The following CEACAM18 variants were observed in gnomAD, a reference collection of about 807,000 sequenced individuals.
The protein encoded by CEACAM18 is CEA cell adhesion molecule 18, also known as cell adhesion molecule CEACAM18.
Under a neutral mutation model 34.3 loss-of-function variants are expected in CEACAM18, and 33 were observed. The ratio of observed to expected loss-of-function variants is 0.96; its 90% confidence interval spans 0.73 to 1.29. CEACAM18 has a LOEUF of 1.29. Among genes scored for constraint, CEACAM18 ranks in the 50% most tolerant of loss-of-function variants. The pLI is 0.00. For synonymous variants in CEACAM18, 169 were observed against 180.9 expected, an observed-to-expected ratio of 0.93 and a Z score of 0.53; for missense variants, 474 against 485.0, an observed-to-expected ratio of 0.98 and a Z score of 0.21.
intron 4 of CEACAM18, among the ~76,000 whole-genome samples, chr19:51,483,831 T>C (rs117020339): frequency 0.018 from 2,737 of 152,304 alleles, 38 homozygotes; most frequent in Non-Finnish European, 0.024. Context: ...GGCATGGCCA[T>C]GGCGTCAGAA....
chr19:51,487,889 A>G (rs1270551325), intron 5 of CEACAM18, among the ~76,000 whole-genome samples: 1 of 152,222 alleles, frequency 6.6e-6, no homozygotes, highest in East Asian at 1.9e-4. Flanking sequence ...ATTAAAATTA[A>G]ATAAGTAAAA....
At chr19:51,478,622 CT>C (rs758969501) in exon 1 of CEACAM18, 1 of 1,574,588 alleles carries the variant, frequency 6.4e-7, no homozygotes, top group African/African-American at 1.4e-5. Flanking sequence ...ACCCCTCCTC[CT>C]GGAGGACCCC....
intron 3 of CEACAM18, among the ~76,000 whole-genome samples, chr19:51,482,649 G>A (rs947494043): frequency 1.3e-5 from 2 of 152,166 alleles, no homozygotes; most frequent in Admixed American, 1.3e-4. Context: ...GAGCCTCATT[G>A]TTTTCCATCT....
At chr19:51,478,966 ACG>A (rs1160022517) in intron 1 of CEACAM18, among the ~76,000 whole-genome samples, 10 of 141,068 alleles carry the variant, frequency 7.1e-5, no homozygotes, top group Non-Finnish European at 1.1e-4. Flanking sequence ...ACACACACAC[ACG>A]CGCGCACACA....
At chr19:51,487,895 T>C (rs1990031721) in intron 5 of CEACAM18, among the ~76,000 whole-genome samples, 1 of 152,178 alleles carries the variant, frequency 6.6e-6, no homozygotes, top group African/African-American at 2.4e-5. Flanking sequence ...ATTAAATAAG[T>C]AAAAAATCCA....
At chr19:51,489,952 C>T (rs574034160) in intron 5 of CEACAM18, among the ~76,000 whole-genome samples, 17 of 152,256 alleles carry the variant, frequency 1.1e-4, no homozygotes, top group African/African-American at 3.4e-4. Context: ...CTGGAAGAAC[C>T]CCCCTGGCCT....
At chr19:51,490,804 C>T (rs1463125959) in exon 6 of CEACAM18, 5 of 408,080 alleles carry the variant, frequency 1.2e-5, no homozygotes, top group African/African-American at 2.0e-5. Context: ...GGTCTGCAGA[C>T]CCCACCCGGG....
intron 5 of CEACAM18, among the ~76,000 whole-genome samples, chr19:51,487,602 TAAA>T (rs1181556713): frequency 6.6e-6 from 1 of 152,204 alleles, no homozygotes; most frequent in East Asian, 1.9e-4. Context: ...CCGTCTCTAC[TAAA>T]AATACAAAAA....
At position 51,482,960 on chromosome 19, in the gene CEACAM18, A is replaced by T. The variant is rs766611235; in HGVS notation, c.674-57A>T. The T allele has an allele frequency of 2.5e-6, 4 of 1,582,822 alleles. No homozygotes were observed. In the African/African-American group the frequency reaches 4.0e-5, roughly 16 times the overall value. The stretch of plus-strand genomic sequence containing the variant: ...CTCCTGGCTGGGGGAGGACTTCATG[A>T]GACGGGACGCCGAGGGGTCAGAAAC... On this transcript the variant is annotated intron_variant, in intron 3 of 5. Transcript: ENST00000396477.
At chr19:51,485,395 T>C (rs1223787860) in intron 5 of CEACAM18, among the ~76,000 whole-genome samples, 8 of 152,214 alleles carry the variant, frequency 5.3e-5, no homozygotes, top group Non-Finnish European at 1.0e-4. Flanking sequence ...TATTAAGGTT[T>C]ACCTAGAGGG....
chr19:51,488,866 C>T (rs963103908), intron 5 of CEACAM18, among the ~76,000 whole-genome samples: 1 of 152,024 alleles, frequency 6.6e-6, no homozygotes, highest in Non-Finnish European at 1.5e-5. Flanking sequence ...GTGGGCCCTC[C>T]TCTAGAAAAA....
At chr19:51,490,275 C>G (rs1327291600) in intron 5 of CEACAM18, among the ~76,000 whole-genome samples, 1 of 152,200 alleles carries the variant, frequency 6.6e-6, no homozygotes, top group Non-Finnish European at 1.5e-5. Flanking sequence ...GTTATTACCT[C>G]CATCATTGTT....
chr19:51,481,364 A>C, intron 2 of CEACAM18, 29 bp from the exon 3 acceptor site: 1 of 1,605,752 alleles, frequency 6.2e-7, no homozygotes, highest in Non-Finnish European at 8.5e-7. Context: ...CCCCACTTGT[A>C]ATTTTTTTCT....
chr19:51,481,826 G>C (rs962282372), intron 3 of CEACAM18, among the ~76,000 whole-genome samples, 161 bp downstream of exon 3: 1 of 152,184 alleles, frequency 6.6e-6, no homozygotes. Flanking sequence ...CTTGAGCCCT[G>C]TGAACTTGGG....
chr19:51,479,750 G>C (rs1490763584), intron 1 of CEACAM18, among the ~76,000 whole-genome samples: 1 of 152,214 alleles, frequency 6.6e-6, no homozygotes, highest in Non-Finnish European at 1.5e-5. Context: ...ATGGGGAACA[G>C]CGTGTGCGAA....
chr19:51,484,689 A>G (rs75963900), intron 4 of CEACAM18, among the ~76,000 whole-genome samples: 5 of 99,264 alleles, frequency 5.0e-5, no homozygotes, highest in East Asian at 2.6e-4. Context: ...CCCCCCTTCC[A>G]GTCACTGTCT....
At chr19:51,483,793 G>A (rs1989957717) in intron 4 of CEACAM18, among the ~76,000 whole-genome samples, 1 of 152,214 alleles carries the variant, frequency 6.6e-6, no homozygotes, top group Admixed American at 6.5e-5. Flanking sequence ...ACGCAGGGAC[G>A]GGATGGGTGG....
At chr19:51,482,434 G>A (rs1290628406) in intron 3 of CEACAM18, among the ~76,000 whole-genome samples, 8 of 152,088 alleles carry the variant, frequency 5.3e-5, no homozygotes, top group Admixed American at 1.3e-4. Context: ...TTCCTAAAGC[G>A]CAGGCTACGG....
chr19:51,486,710 C>CTTTTTTTTT (rs1327201659), intron 5 of CEACAM18, among the ~76,000 whole-genome samples: 22 of 144,488 alleles, frequency 1.5e-4, no homozygotes, highest in Middle Eastern at 3.9e-3. Context: ...TTCTTTCTTT[C>CTTTTTTTTT]TTTCTTTTCT....
Sources: gnomAD v4.1 joint callset for allele counts (sites outside exome capture counted in the v4.1 genomes callset) on GRCh38, gnomAD v4.1.1 for gene constraint, MANE v1.5 for transcripts, NCBI Gene and HGNC (gene_info 2026-07-23, HGNC 2026-07-21) for gene names.